The following LRP1B variants were observed in gnomAD, a reference collection of about 807,000 sequenced individuals.
The protein encoded by LRP1B is LDL receptor related protein 1B.
Under a neutral mutation model 556.6 loss-of-function variants are expected in LRP1B, and 217 were observed. That is an observed-to-expected ratio of 0.39 (90% confidence interval 0.35 to 0.44). LRP1B has a LOEUF of 0.44. Ranked by LOEUF, LRP1B falls within the 20% of genes least tolerant of loss-of-function variation. LRP1B has a pLI of 1.00. For synonymous variants in LRP1B, 2,047 were observed against 1,865.8 expected (o/e 1.10, Z -2.50); for missense variants, 5,053 against 5,620.8 (o/e 0.90, Z 3.23).
At chr2:140,863,265 A>G (rs111623078) in intron 27 of LRP1B, among the ~76,000 whole-genome samples, 4,624 of 152,200 alleles carry the variant, frequency 0.03, 112 homozygotes, top group Middle Eastern at 0.068. Flanking sequence ...ACAAATTTCT[A>G]TCATGCAAAT....
At chr2:141,867,930 C>A (rs951345672) in intron 1 of LRP1B, among the ~76,000 whole-genome samples, 8 of 152,062 alleles carry the variant, frequency 5.3e-5, no homozygotes, top group African/African-American at 1.9e-4. Context: ...ATTTGGACAT[C>A]CTTGGGCTTG....
chr2:140,265,479 A>G (rs562365885), intron 86 of LRP1B, among the ~76,000 whole-genome samples: 15 of 152,224 alleles, frequency 9.9e-5, no homozygotes, highest in Middle Eastern at 3.4e-3. Flanking sequence ...TCAAGGAACA[A>G]ATTTATTCCT....
chr2:140,868,265 T>TAAAAA lies in LRP1B; in HGVS notation c.4170-7_4170-3dup, dbSNP rs34488899. ...TCCCAGTCTGTCCAGAAAAGAATTC[T>TAAAAA]AAAAAAAAAAAAAAAAAAAGAAATA... On this transcript the variant is annotated splice_polypyrimidine_tract_variant and splice_region_variant and intron_variant, in intron 25 of 90. Coordinates refer to ENST00000389484, the MANE Select transcript of LRP1B (RefSeq NM_018557.3). 1.5e-5 allele frequency: 19 copies of TAAAAA among 1,296,252 alleles called. No homozygotes were observed. Among genetic ancestry groups the TAAAAA allele is most frequent in the South Asian group, 6.6e-5 (4 of 60,224 alleles). The allele number at this position is 1,296,252 out of a possible 1,614,324, so 80.3% of individuals were successfully genotyped here.
chr2:141,931,270 A>G (rs1402281501), intron 1 of LRP1B, among the ~76,000 whole-genome samples: 1 of 152,032 alleles, frequency 6.6e-6, no homozygotes, highest in Non-Finnish European at 1.5e-5. Flanking sequence ...GGAGAAAGAT[A>G]CACATCGTAG....
chr2:141,160,443 A>C (rs1040331369), intron 7 of LRP1B, among the ~76,000 whole-genome samples: 2 of 152,134 alleles, frequency 1.3e-5, no homozygotes, highest in Non-Finnish European at 2.9e-5. Flanking sequence ...TCACACACAA[A>C]AACCTATAGA....
chr2:140,537,038 G>C lies in LRP1B; in HGVS notation c.7514-329C>G, dbSNP rs139373877. Among the ~76,000 whole-genome samples the C allele has an allele frequency of 7.4e-3, 1,120 of 151,062 alleles. 10 individuals carry two copies. The highest frequency in any genetic ancestry group is 0.02 in the African/African-American group (830 of 41,194). On this transcript the variant is annotated intron_variant, in intron 45 of 90. Transcript: ENST00000389484. ...TACAAAAAATTAGCCAGGCATGGTG[G>C]CACGCGCCTGTAGTCCCAGCTACTT...
At chr2:141,279,410 A>G (rs1470749288) in intron 3 of LRP1B, among the ~76,000 whole-genome samples, 1 of 152,108 alleles carries the variant, frequency 6.6e-6, no homozygotes, top group Non-Finnish European at 1.5e-5. Context: ...GAAAAGTACC[A>G]AAAGATTGGT....
chr2:140,342,524 A>C (rs1211834083), intron 77 of LRP1B, among the ~76,000 whole-genome samples: 2 of 151,614 alleles, frequency 1.3e-5, no homozygotes, highest in African/African-American at 4.8e-5. Context: ...AAAAAATGCA[A>C]GATTTTCAAA....
chr2:140,341,744 G>A (rs769914965), intron 77 of LRP1B, among the ~76,000 whole-genome samples: 1 of 151,374 alleles, frequency 6.6e-6, no homozygotes, highest in Non-Finnish European at 1.5e-5. Flanking sequence ...GGAGAGGTGT[G>A]ATGGGAGATG....
chr2:140,418,338 G>C (rs1005070676), intron 66 of LRP1B, among the ~76,000 whole-genome samples: 2 of 152,144 alleles, frequency 1.3e-5, no homozygotes, highest in East Asian at 1.9e-4. Flanking sequence ...AACCACAAAA[G>C]ACCCCTGAAT....
intron 2 of LRP1B, among the ~76,000 whole-genome samples, chr2:141,755,002 A>G (rs1387195437): frequency 6.6e-6 from 1 of 152,036 alleles, no homozygotes; most frequent in Non-Finnish European, 1.5e-5. Context: ...ATCCTCTTAT[A>G]TATATATAAA....
At chr2:140,415,839 C>A (rs1043432572) in intron 66 of LRP1B, among the ~76,000 whole-genome samples, 3 of 152,190 alleles carry the variant, frequency 2.0e-5, no homozygotes, top group African/African-American at 7.2e-5. Context: ...AGCAGCTGCA[C>A]ATAGAAAAGA....
At chr2:140,320,008 CTTA>C (rs936964080) in intron 82 of LRP1B, among the ~76,000 whole-genome samples, 10 of 152,130 alleles carry the variant, frequency 6.6e-5, no homozygotes, top group African/African-American at 2.4e-4. Context: ...AAATGAATGA[CTTA>C]TTATTTCCTT....
intron 3 of LRP1B, among the ~76,000 whole-genome samples, chr2:141,439,525 T>A (rs1680882589): frequency 6.6e-6 from 1 of 152,072 alleles, no homozygotes; most frequent in African/African-American, 2.4e-5. Context: ...CAGCTATTGC[T>A]CTGTATAATT....
intron 84 of LRP1B, among the ~76,000 whole-genome samples, chr2:140,284,290 G>T (rs1367660702): frequency 3.4e-5 from 5 of 146,266 alleles, no homozygotes; most frequent in Non-Finnish European, 7.5e-5. Flanking sequence ...CAAATACATG[G>T]CTTCCCCCCC....
At chr2:141,795,177 C>T (rs185438465) in intron 2 of LRP1B, among the ~76,000 whole-genome samples, 76 of 152,148 alleles carry the variant, frequency 5.0e-4, no homozygotes, top group African/African-American at 1.7e-3. Context: ...CACCGTAGTA[C>T]GATCTAATGG....
At chr2:141,912,801 T>A (rs1052451845) in intron 1 of LRP1B, among the ~76,000 whole-genome samples, 3 of 152,260 alleles carry the variant, frequency 2.0e-5, no homozygotes, top group Admixed American at 1.3e-4. Context: ...TAAACATTGT[T>A]AGACTAACCC....
rs115025157 is a variant in LRP1B, at chr2:141,245,324, A to T, written c.592+1902T>A. 5.0e-3 allele frequency among the ~76,000 whole-genome samples: 764 copies of T among 152,330 alleles called. 7 individuals are homozygous for T. The highest frequency in any genetic ancestry group is 0.015 in the African/African-American group (643 of 41,578). ...GCTGTTGTTGATATTTTGTAGATAC[A>T]TATGTTTTCTAAATAATTAACCACA... On this transcript the variant is annotated intron_variant, in intron 5 of 90. Coordinates refer to ENST00000389484, the MANE Select transcript of LRP1B (RefSeq NM_018557.3).
chr2:142,020,531 G>A (rs571249582), intron 1 of LRP1B, among the ~76,000 whole-genome samples: 4 of 152,230 alleles, frequency 2.6e-5, no homozygotes, highest in African/African-American at 9.6e-5. Context: ...CAGTGACCAC[G>A]AAAGGAATTT....
Sources: gnomAD v4.1 joint callset for allele counts (sites outside exome capture counted in the v4.1 genomes callset) on GRCh38, gnomAD v4.1.1 for gene constraint, MANE v1.5 for transcripts, NCBI Gene and HGNC (gene_info 2026-07-23, HGNC 2026-07-21) for gene names.